Variants in RFX3 observed in about 807,000 individuals in gnomAD.
RFX3 encodes the protein regulatory factor X3, also known as transcription factor RFX3.
A neutral mutation model predicts 98.6 loss-of-function variants in RFX3; 14 were observed. The ratio of observed to expected loss-of-function variants is 0.14; its 90% confidence interval spans 0.09 to 0.22. The LOEUF (loss-of-function observed/expected upper bound fraction) is 0.22, where lower values mean the gene tolerates loss of function less well. Ranked by LOEUF, RFX3 falls within the 10% of genes least tolerant of loss-of-function variation. RFX3 has a pLI of 1.00. For missense variants in RFX3, 639 were observed against 926.9 expected (o/e 0.69, Z 4.03); for synonymous variants, 383 against 328.4 (o/e 1.17, Z -1.80).
intron 1 of RFX3, among the ~76,000 whole-genome samples, chr9:3,486,358 C>T (rs1850276164): frequency 6.6e-6 from 1 of 152,036 alleles, no homozygotes; most frequent in Non-Finnish European, 1.5e-5. Context: ...ACATATTATG[C>T]TGCTTTTATC....
At chr9:3,439,060 C>T (rs923447165) in intron 1 of RFX3, among the ~76,000 whole-genome samples, 1 of 151,666 alleles carries the variant, frequency 6.6e-6, no homozygotes, top group Non-Finnish European at 1.5e-5. Flanking sequence ...AAGTATGAAA[C>T]TTCTAAATAA....
intron 1 of RFX3, among the ~76,000 whole-genome samples, chr9:3,518,794 AAT>A (rs1039737589): frequency 2.0e-5 from 3 of 152,314 alleles, no homozygotes; most frequent in Non-Finnish European, 4.4e-5. Flanking sequence ...TATTACACTA[AAT>A]AATGTTCCAA....
intron 12 of RFX3, among the ~76,000 whole-genome samples, chr9:3,265,191 A>G (rs924444859): frequency 1.3e-5 from 2 of 152,210 alleles, no homozygotes; most frequent in East Asian, 3.9e-4. Context: ...TGTAGCGAGT[A>G]TGACTGAGGA....
intron 1 of RFX3, among the ~76,000 whole-genome samples, chr9:3,400,488 C>G (rs1841366520): frequency 6.6e-6 from 1 of 152,160 alleles, no homozygotes; most frequent in Non-Finnish European, 1.5e-5. Context: ...TCTGTTTATT[C>G]CCAAATTACT....
intron 2 of RFX3, among the ~76,000 whole-genome samples, chr9:3,375,847 T>C (rs957016138): frequency 6.6e-6 from 1 of 151,930 alleles, no homozygotes; most frequent in African/African-American, 2.4e-5. Flanking sequence ...GTAGTCCCAG[T>C]TACTCAGGAG....
intron 15 of RFX3, among the ~76,000 whole-genome samples, chr9:3,233,354 A>C (rs1163092832): frequency 6.6e-6 from 1 of 152,212 alleles, no homozygotes; most frequent in African/African-American, 2.4e-5. Context: ...TACTGAGAGG[A>C]ACCTGGCTCA....
chr9:3,302,322 C>G (rs546497958), intron 4 of RFX3, among the ~76,000 whole-genome samples: 1 of 151,708 alleles, frequency 6.6e-6, no homozygotes, highest in East Asian at 1.9e-4. Context: ...ATCACAGAAA[C>G]AGCTCTAATC....
chr9:3,397,456 C>T (rs1841010887), intron 1 of RFX3, among the ~76,000 whole-genome samples: 1 of 152,186 alleles, frequency 6.6e-6, no homozygotes, highest in African/African-American at 2.4e-5. Context: ...CTCTTGGCAT[C>T]TGTTGTCACA....
At chr9:3,396,055 T>A (rs79855869) in intron 1 of RFX3, among the ~76,000 whole-genome samples, 4 of 152,060 alleles carry the variant, frequency 2.6e-5, no homozygotes, top group African/African-American at 9.7e-5. Flanking sequence ...TTTTTTTTTT[T>A]TATACTTTGT....
chr9:3,307,181 C>T (rs1294770614), intron 4 of RFX3, among the ~76,000 whole-genome samples: 2 of 152,092 alleles, frequency 1.3e-5, no homozygotes, highest in East Asian at 1.9e-4. Context: ...TACATTAAAC[C>T]GCTTTCCTTT....
At chr9:3,429,108 C>T (rs1807910) in intron 1 of RFX3, among the ~76,000 whole-genome samples, 11,590 of 150,216 alleles carry the variant, frequency 0.077, 477 homozygotes, top group East Asian at 0.11. Context: ...CTGCAAGCTC[C>T]GCCTCCCGGG....
intron 1 of RFX3, among the ~76,000 whole-genome samples, chr9:3,493,710 T>A (rs1222793726): frequency 1.4e-5 from 2 of 142,416 alleles, no homozygotes; most frequent in South Asian, 4.3e-4. Context: ...AATATATATA[T>A]ATATATATAT....
intron 1 of RFX3, among the ~76,000 whole-genome samples, chr9:3,504,188 ATAT>A (rs1444956850): frequency 1.0e-5 from 1 of 97,750 alleles, no homozygotes; most frequent in Admixed American, 1.3e-4. Flanking sequence ...TATACATATT[ATAT>A]ATTATATATA....
At chr9:3,449,605 T>A (rs941174287) in intron 1 of RFX3, among the ~76,000 whole-genome samples, 2 of 152,132 alleles carry the variant, frequency 1.3e-5, no homozygotes, top group Admixed American at 1.3e-4. Flanking sequence ...CATGCCTTAA[T>A]CCCAGGAACT....
intron 2 of RFX3, among the ~76,000 whole-genome samples, chr9:3,349,227 T>C (rs1384514532): frequency 2.0e-5 from 3 of 151,984 alleles, no homozygotes; most frequent in Non-Finnish European, 4.4e-5. Context: ...TGATTACTTA[T>C]TTGCTTTATC....
intron 2 of RFX3, among the ~76,000 whole-genome samples, chr9:3,372,479 C>G (rs1298752265): frequency 1.3e-5 from 2 of 152,102 alleles, no homozygotes; most frequent in Non-Finnish European, 2.9e-5. Context: ...TCTTTAGTAC[C>G]CAAACTAACG....
intron 12 of RFX3, among the ~76,000 whole-genome samples, chr9:3,263,720 T>C (rs758380424): frequency 6.6e-6 from 1 of 152,226 alleles, no homozygotes; most frequent in Non-Finnish European, 1.5e-5. Flanking sequence ...TCTCAAAATC[T>C]ACTTTCCATT....
At chr9:3,467,427 T>C (rs1197917676) in intron 1 of RFX3, among the ~76,000 whole-genome samples, 1 of 151,270 alleles carries the variant, frequency 6.6e-6, no homozygotes, top group Middle Eastern at 3.2e-3. Context: ...CTAATCTCTA[T>C]ATCATACATT....
intron 1 of RFX3, among the ~76,000 whole-genome samples, chr9:3,434,667 A>G (rs1349538547): frequency 6.6e-6 from 1 of 152,044 alleles, no homozygotes; most frequent in Non-Finnish European, 1.5e-5. Flanking sequence ...GCAGTGCAGT[A>G]AGTGTCCTTA....
Sources: gnomAD v4.1 joint callset for allele counts (sites outside exome capture counted in the v4.1 genomes callset) on GRCh38, gnomAD v4.1.1 for gene constraint, MANE v1.5 for transcripts, NCBI Gene and HGNC (gene_info 2026-07-23, HGNC 2026-07-21) for gene names.